Variants in GZF1 observed in about 807,000 individuals in gnomAD.
The protein encoded by GZF1 is GDNF-inducible zinc finger protein 1.
A neutral mutation model predicts 49.4 loss-of-function variants in GZF1; 28 were observed. The observed-to-expected ratio is 0.57, with a 90% CI of 0.42 to 0.78. GZF1 has a LOEUF of 0.78. GZF1 is among the 30% of genes least tolerant of loss of function. The probability of loss-of-function intolerance (pLI) is 0.00; values close to 1 mark genes in which losing one functional copy is unlikely to be tolerated. For missense variants in GZF1, 798 were observed against 916.2 expected, an observed-to-expected ratio of 0.87 and a Z score of 1.67; for synonymous variants, 364 against 356.0, an observed-to-expected ratio of 1.02 and a Z score of -0.25.
At chr20:23,366,352 C>T (rs1981385572) in intron 2 of GZF1, among the ~76,000 whole-genome samples, 1 of 152,222 alleles carries the variant, frequency 6.6e-6, no homozygotes, top group Non-Finnish European at 1.5e-5. Flanking sequence ...TTTCTCTTCT[C>T]TTCTAGATCT....
Position 23,370,390 on chromosome 20 carries a change from A to T in GZF1, c.2085A>T (p.Pro695=), listed in dbSNP as rs375072746. 8 of 1,613,942 alleles carry T rather than the reference A, an allele frequency of 5.0e-6. No homozygotes were observed. In the African/African-American group the frequency reaches 9.3e-5, roughly 19 times the overall value. ...TTISELSELT[P]QTDSMPTQLH... The stretch of plus-strand genomic sequence containing the variant: ...TCAGTGAGCTTAGCGAGCTGACCCC[A>T]CAGACAGACTCGATGCCCACACAGC... Residue 695 remains proline (P), a synonymous_variant, in exon 6 of 6, where the codon CCA becomes CCT. Coordinates refer to ENST00000338121, the MANE Select transcript of GZF1 (RefSeq NM_022482.5).
At position 23,368,820 on chromosome 20, in the gene GZF1, A is replaced by G; in HGVS notation, c.1518A>G (p.Leu506=). ...AGAGTTTTGCTTCTAAGGAGTACTTAAAACACCACAATAGAATCCATACTG... is the reference window on the plus strand; with the variant it reads ...AGAGTTTTGCTTCTAAGGAGTACTTGAAACACCACAATAGAATCCATACTG... ...CGKSFASKEY[L]KHHNRIHTGS... The change falls in exon 4 of 6, where the codon TTA becomes TTG. Residue 506 remains leucine (L), a synonymous_variant. Coordinates refer to ENST00000338121, the MANE Select transcript of GZF1 (RefSeq NM_022482.5). 1.2e-6 allele frequency: 2 copies of G among 1,613,758 alleles called. No individual in the cohort carries two copies. Among genetic ancestry groups the G allele is most frequent in the Non-Finnish European group, 1.7e-6 (2 of 1,179,832 alleles).
At chr20:23,369,819 C>T in intron 5 of GZF1, 78 bp downstream of exon 5, 1 of 1,453,622 alleles carries the variant, frequency 6.9e-7, no homozygotes, top group Non-Finnish European at 9.4e-7. Flanking sequence ...TACCACCATT[C>T]TCCAAGGTGG....
intron 2 of GZF1, among the ~76,000 whole-genome samples, chr20:23,366,367 T>G (rs949866081): frequency 6.6e-6 from 1 of 152,252 alleles, no homozygotes; most frequent in South Asian, 2.1e-4. Context: ...AGATCTGCCC[T>G]CAAACCTAGG....
At chr20:23,361,965 C>T (rs35461738), upstream of GZF1, among the ~76,000 whole-genome samples, 1 of 152,170 alleles carries the variant, frequency 6.6e-6, no homozygotes, top group South Asian at 2.1e-4. Context: ...TGGCTCGCGG[C>T]GGGTGACGCA....
Position 23,370,238 on chromosome 20 carries a change from G to A in GZF1, c.1933G>A (p.Gly645Ser), listed in dbSNP as rs888642541. The A allele has an allele frequency of 1.9e-6, 3 of 1,614,036 alleles. No individual in the cohort carries two copies. Among genetic ancestry groups the A allele is most frequent in the Admixed American group, 3.3e-5 (2 of 60,002 alleles). The change falls in exon 6 of 6, where the codon GGC (glycine) becomes AGC (serine). Residue 645 changes from glycine to serine, a missense_variant. By Grantham distance (56) the Gly-to-Ser change is moderately conservative. Transcript: ENST00000338121. ...TAAATTGCTGTCTTTTGCAGAAAAT[G>A]GCCATTTCCACAACCTGGCTGCAGT... ...SDKLLSFAEN[G>S]HFHNLAAVQD...
In GZF1 at chr20:23,364,945, G is replaced by A; in HGVS notation, c.562G>A (p.Ala188Thr). 1 of 1,614,238 alleles carries A rather than the reference G, an allele frequency of 6.2e-7. No homozygotes were observed. Among genetic ancestry groups the A allele is most frequent in the South Asian group, 1.1e-5 (1 of 91,086 alleles). Residue 188 changes from alanine to threonine, a missense_variant, in exon 2 of 6, where the codon GCC becomes ACC. By Grantham distance (58) the Ala-to-Thr change is moderately conservative. This residue lies in a region of GZF1 where 247 missense variants were observed against 228.5 expected (regional missense o/e 1.08). Coordinates refer to ENST00000338121, the MANE Select transcript of GZF1 (RefSeq NM_022482.5). ...TTCCTTGGACTACCCAGGAGAGAGA[G>A]CCAGCAATGGCATGTCTTCAGATTT... ...TDSLDYPGER[A>T]SNGMSSDLPP...
In GZF1 at chr20:23,369,644, A is replaced by G; in HGVS notation, c.1688A>G (p.Gln563Arg). The G allele has an allele frequency of 6.2e-7, 1 of 1,613,188 alleles. No homozygotes were observed. Among genetic ancestry groups the G allele is most frequent in the Non-Finnish European group, 8.5e-7 (1 of 1,179,720 alleles). The change falls in exon 5 of 6, where the codon CAG (glutamine) becomes CGG (arginine). Residue 563 changes from glutamine (Q) to arginine (R), a missense_variant. By Grantham distance (43) the Gln-to-Arg change is conservative (BLOSUM62 1). Coordinates refer to ENST00000338121, the MANE Select transcript of GZF1 (RefSeq NM_022482.5). ...CAGTTCACCCAGCTCAACGCCCTCC[A>G]GCGCCACCGCCGCATCCACACAGGG... is the stretch of plus-strand genomic sequence containing the variant. ...GKQFTQLNALQRHRRIHTGER... is the reference protein window; with the variant it reads ...GKQFTQLNALRRHRRIHTGER...
At chr20:23,362,653 T>A (rs1195615705) in intron 1 of GZF1, 1 of 152,064 alleles carries the variant, frequency 6.6e-6, no homozygotes, top group Non-Finnish European at 1.5e-5. Flanking sequence ...CCCGTGAGCC[T>A]CGGGGATTCA....
intron 4 of GZF1, among the ~76,000 whole-genome samples, 181 bp downstream of exon 4, chr20:23,369,110 A>C (rs1404955167): frequency 6.6e-6 from 1 of 152,214 alleles, no homozygotes; most frequent in Non-Finnish European, 1.5e-5. Flanking sequence ...GAAAAGTGGG[A>C]GCACTTATGT....
At position 23,364,785 on chromosome 20, in the gene GZF1, G is replaced by C; in HGVS notation, c.402G>C (p.Glu134Asp). 6.2e-7 allele frequency: 1 copy of C among 1,614,286 alleles called. No homozygotes were observed. The highest frequency in any genetic ancestry group is 8.5e-7 in the Non-Finnish European group (1 of 1,180,050). ...TCFQLKKQML[E>D]SVLLELQNFS... The stretch of plus-strand genomic sequence containing the variant: ...TTCAATTAAAGAAACAGATGTTAGA[G>C]TCAGTACTTTTGGAGTTGCAAAATT... The change falls in exon 2 of 6, where the codon GAG (glutamate) becomes GAC (aspartate). Residue 134 changes from glutamate to aspartate, a missense_variant. Around this residue, in one of 3 missense-constraint regions of GZF1, gnomAD observed 247 missense variants for 228.5 expected, o/e 1.08. Coordinates refer to ENST00000338121, the MANE Select transcript of GZF1 (RefSeq NM_022482.5).
Position 23,369,811 on chromosome 20 carries a change from C to T in GZF1, c.1785+70C>T, listed in dbSNP as rs1981860691. On this transcript the variant is annotated intron_variant, in intron 5 of 5. Transcript: ENST00000338121. The stretch of plus-strand genomic sequence containing the variant: ...AGATGCACGGAAAGAGAAATACCTA[C>T]CACCATTCTCCAAGGTGGTTAGAGG... The T allele has an allele frequency of 1.5e-5, 23 of 1,491,274 alleles. 1 individual carries two copies. The allele number at this position is 1,491,274 out of a possible 1,614,324, so 92.4% of individuals were successfully genotyped here.
intron 1 of GZF1, chr20:23,363,423 T>C (rs1980926258): frequency 6.6e-6 from 1 of 151,956 alleles, no homozygotes; most frequent in African/African-American, 2.4e-5. Context: ...TTAGGTGGGG[T>C]TGGTGAAATT....
rs1425708445 is a variant in GZF1 at position 23,372,570 on chromosome 20, A to T, written c.*2129A>T. 1 of 152,198 alleles carries T rather than the reference A, an allele frequency of 6.6e-6. No homozygotes were observed. Among genetic ancestry groups the T allele is most frequent in the Non-Finnish European group, 1.5e-5 (1 of 68,034 alleles). 9.4% of individuals were successfully genotyped at this position (152,198 alleles called of 1,614,324 possible). A position where few individuals can be genotyped will look rare whatever the true frequency, so the allele number is the denominator to read the frequency against. ...AGTAGGCATCAAAGATACGACTTCTACTATATACATTTCTCTGTCCCTGAG... is the reference window on the plus strand; with the variant it reads ...AGTAGGCATCAAAGATACGACTTCTTCTATATACATTTCTCTGTCCCTGAG... On this transcript the variant is annotated 3_prime_UTR_variant, in exon 6 of 6. Coordinates refer to ENST00000338121, the MANE Select transcript of GZF1 (RefSeq NM_022482.5).
intron 3 of GZF1, 29 bp from the exon 4 acceptor site, chr20:23,368,733 T>G (rs1981703555): frequency 2.5e-6 from 4 of 1,583,288 alleles, no homozygotes; most frequent in Non-Finnish European, 2.6e-6. Context: ...CCTGTATTGT[T>G]TATGACTTTA....
In GZF1 at chr20:23,365,398, C is replaced by G; in HGVS notation, c.1015C>G (p.Arg339Gly). ...GAGCTTCCTGAAGCACAGCAAGCAC[C>G]GCCACGGCGTGGCCACCGAGGTGGT... Reference protein sequence around the residue: ...EKSFLKHSKHRHGVATEVVYR... With the variant: ...EKSFLKHSKHGHGVATEVVYR... Residue 339 changes from arginine to glycine, a missense_variant, in exon 2 of 6, where the codon CGC becomes GGC. Physicochemically the swap from Arg to Gly is moderately radical, Grantham distance 125. Around this residue, in one of 3 missense-constraint regions of GZF1, gnomAD observed 446 missense variants for 540.1 expected, o/e 0.83. Transcript: ENST00000338121. The G allele has an allele frequency of 6.2e-7, 1 of 1,613,794 alleles. No homozygotes were observed. The highest frequency in any genetic ancestry group is 8.5e-7 in the Non-Finnish European group (1 of 1,179,976).
Position 23,371,779 on chromosome 20 carries a change from T to TA in GZF1, c.*1340dup, listed in dbSNP as rs1331331276. The TA allele has an allele frequency of 1.3e-5, 2 of 152,252 alleles. No homozygotes were observed. The highest frequency in any genetic ancestry group is 2.9e-5 in the Non-Finnish European group (2 of 68,038). 9.4% of individuals were successfully genotyped at this position (152,252 alleles called of 1,614,324 possible). On this transcript the variant is annotated 3_prime_UTR_variant, in exon 6 of 6. Coordinates refer to ENST00000338121, the MANE Select transcript of GZF1 (RefSeq NM_022482.5). ...CTAGTTCCTTTTTTCTCTACATTTTTAATTTATTAAACTTGCTGTGAAAAC... is the reference window on the plus strand; with the variant it reads ...CTAGTTCCTTTTTTCTCTACATTTTTAAATTTATTAAACTTGCTGTGAAAAC...
At chr20:23,369,790 G>T in intron 5 of GZF1, 49 bp downstream of exon 5, 1 of 1,562,218 alleles carries the variant, frequency 6.4e-7, no homozygotes, top group East Asian at 2.3e-5. Context: ...GCCCTTAGAT[G>T]CACGGAAAGA....
At position 23,371,701 on chromosome 20, in the gene GZF1, G is replaced by GT. The variant is rs1982092587; in HGVS notation, c.*1261dup. Reference sequence around the variant, plus strand: ...GCTTGTGAAATGCTATGATTCACATGTAACATTTAAACATTAATTTAAAAA... The same window carrying GT: ...GCTTGTGAAATGCTATGATTCACATGTTAACATTTAAACATTAATTTAAAAA... On this transcript the variant is annotated 3_prime_UTR_variant, in exon 6 of 6. Coordinates refer to ENST00000338121, the MANE Select transcript of GZF1 (RefSeq NM_022482.5). 6.6e-6 allele frequency: 1 copy of GT among 152,484 alleles called. No homozygotes were observed. The highest frequency in any genetic ancestry group is 1.5e-5 in the Non-Finnish European group (1 of 68,034). The allele number at this position is 152,484 out of a possible 1,614,324, so 9.4% of individuals were successfully genotyped here. A position where few individuals can be genotyped will look rare whatever the true frequency, so the allele number is the denominator to read the frequency against.
Sources: gnomAD v4.1 joint callset for allele counts (sites outside exome capture counted in the v4.1 genomes callset) on GRCh38, gnomAD v4.1.1 for gene constraint, gnomAD v4.1.1 regional missense constraint, MANE v1.5 for transcripts, NCBI Gene and HGNC (gene_info 2026-07-23, HGNC 2026-07-21) for gene names.